VCP: variants seen among roughly 807,000 people sequenced by gnomAD.
The protein encoded by VCP is transitional endoplasmic reticulum ATPase.
VCP carries 6 observed loss-of-function variants against 85.7 expected under a neutral mutation model. The ratio of observed to expected loss-of-function variants is 0.07; its 90% CI spans 0.04 to 0.14. VCP has a LOEUF of 0.14. Ranked by LOEUF, VCP falls within the 10% of genes least tolerant of loss-of-function variation. The pLI is 1.00. For synonymous variants in VCP, 384 were observed against 367.1 expected (o/e 1.05, Z -0.53); for missense variants, 353 against 1,043.4 (o/e 0.34, Z 9.12).
At chr9:35,064,461 G>A (rs1828788891) in intron 5 of VCP, among the ~76,000 whole-genome samples, 176 bp from the exon 6 acceptor site, 1 of 152,166 alleles carries the variant, frequency 6.6e-6, no homozygotes, top group African/African-American at 2.4e-5. Flanking sequence ...AGAGGTGGGA[G>A]GAATGCTTGA....
rs201932327 is a variant in VCP, at chr9:35,059,032, T to C, written c.2160+32A>G. On this transcript the variant is annotated intron_variant, in intron 15 of 16. Coordinates refer to ENST00000358901, the MANE Select transcript of VCP (RefSeq NM_007126.5). This position sits in a 1 kb window ranked among gnomAD's most constrained non-coding sequence, Gnocchi z 4.9. ...GTGGCTGCTGCCTGGCTCTCCATGA[T>C]TGGCACATCTGGGGAAAGGATGCAG... is the stretch of plus-strand genomic sequence containing the variant. 4.0e-3 allele frequency: 6,515 copies of C among 1,613,004 alleles called. 26 individuals carry two copies. The highest frequency in any genetic ancestry group is 6.3e-3 in the South Asian group (571 of 91,002).
intron 7 of VCP, 147 bp from the exon 8 acceptor site, chr9:35,062,497 C>T: frequency 7.7e-7 from 1 of 1,304,876 alleles, no homozygotes. Flanking sequence ...CCTCTACCAG[C>T]CATTATCCCA....
Position 35,066,732 on chromosome 9 carries a change from G to C in VCP, c.388C>G (p.Leu130Val). The C allele has an allele frequency of 6.2e-7, 1 of 1,614,204 alleles. No homozygotes were observed. The highest frequency in any genetic ancestry group is 8.5e-7 in the Non-Finnish European group (1 of 1,180,046). ...DDTVEGITGN[L>V]FEVYLKPYFL... is the part of the protein sequence containing the mutation. ...TACGGCTTAAGGTATACCTCGAAGAGATTACCAGTAATGCCTTCCACTGTG... is the reference window on the plus strand; with the variant it reads ...TACGGCTTAAGGTATACCTCGAAGACATTACCAGTAATGCCTTCCACTGTG... Residue 130 changes from leucine to valine, a missense_variant, in exon 4 of 17, where the codon CTC becomes GTC. By Grantham distance (32) the Leu-to-Val change is conservative. Coordinates refer to ENST00000358901, the MANE Select transcript of VCP (RefSeq NM_007126.5).
chr9:35,061,824 A>G lies in VCP; in HGVS notation c.1082-135T>C. 1.4e-6 allele frequency: 2 copies of G among 1,425,442 alleles called. 1 individual carries two copies. Among genetic ancestry groups the G allele is most frequent in the South Asian group, 2.3e-5 (2 of 85,390 alleles). The allele number at this position is 1,425,442 out of a possible 1,614,324, so 88.3% of individuals were successfully genotyped here. A position where few individuals can be genotyped will look rare whatever the true frequency, so the allele number is the denominator to read the frequency against. ...CACTAAAAAAGTCTCAAGCTCTGGG[A>G]AACCTTTCAGTCTCAGGAAAACCAG... On this transcript the variant is annotated intron_variant, in intron 9 of 16. Transcript: ENST00000358901.
rs1012186117 is a variant in VCP at position 35,072,188 on chromosome 9, C to G, written c.17+149G>C. ...GCCCCAGCCGGGCCTGCCGGGTCCACGGCCCCTCACTCGCCCCCTAGCTTC... is the reference window on the plus strand; with the variant it reads ...GCCCCAGCCGGGCCTGCCGGGTCCAGGGCCCCTCACTCGCCCCCTAGCTTC... On this transcript the variant is annotated intron_variant, in intron 1 of 16. Transcript: ENST00000358901. 19 of 1,421,008 alleles carry G rather than the reference C, an allele frequency of 1.3e-5. 1 individual carries two copies. The Admixed American group carries it at 2.0e-4, about 15-fold the overall frequency. The allele number at this position is 1,421,008 out of a possible 1,614,324, so 88.0% of individuals were successfully genotyped here. A position where few individuals can be genotyped will look rare whatever the true frequency, so the allele number is the denominator to read the frequency against.
intron 1 of VCP, 105 bp downstream of exon 1, chr9:35,072,232 C>T (rs1241685468): frequency 6.8e-7 from 1 of 1,462,094 alleles, no homozygotes; most frequent in African/African-American, 1.5e-5. Context: ...CTTTCCTGGT[C>T]TCCACCTCTC....
intron 1 of VCP, 28 bp from the exon 2 acceptor site, chr9:35,068,390 T>C (rs1011833500): frequency 1.9e-6 from 3 of 1,588,830 alleles, no homozygotes; most frequent in Non-Finnish European, 1.7e-6. Flanking sequence ...AGTCAGTAGA[T>C]ACTCCTGCCC....
At chr9:35,064,975 C>A (rs1828799035) in intron 5 of VCP, among the ~76,000 whole-genome samples, 1 of 152,194 alleles carries the variant, frequency 6.6e-6, no homozygotes, top group Non-Finnish European at 1.5e-5. Flanking sequence ...TCAACCGATT[C>A]TCCTGCCTCA....
Position 35,059,104 on chromosome 9 carries a change from A to G in VCP, c.2120T>C (p.Ile707Thr), listed in dbSNP as rs768462341. 1.2e-6 allele frequency: 2 copies of G among 1,613,950 alleles called. No homozygotes were observed. Among genetic ancestry groups the G allele is most frequent in the Non-Finnish European group, 1.7e-6 (2 of 1,179,988 alleles). The change falls in exon 15 of 17, where the codon ATT (isoleucine) becomes ACT (threonine). Residue 707 changes from isoleucine to threonine, a missense_variant. Ile to Thr is a moderately conservative substitution (Grantham distance 89). Transcript: ENST00000358901. This position sits in a 1 kb window ranked among gnomAD's most constrained non-coding sequence, Gnocchi z 4.9. The stretch of plus-strand genomic sequence containing the variant: ...TGTCTGCCTCTCTCGTTCTCGCCTA[A>G]TCTCACTCTCGATGGATTCACGGAT... ...LAIRESIESE[I>T]RRERERQTNP...
At chr9:35,068,230 T>C (rs1229316590) in intron 2 of VCP, 21 bp downstream of exon 2, 5 of 1,611,620 alleles carry the variant, frequency 3.1e-6, no homozygotes, top group Non-Finnish European at 3.4e-6. Flanking sequence ...AAGGAAAGAC[T>C]AGTCTGTGGC....
intron 1 of VCP, among the ~76,000 whole-genome samples, chr9:35,070,584 C>A (rs1828920957): frequency 6.6e-6 from 1 of 152,124 alleles, no homozygotes; most frequent in Non-Finnish European, 1.5e-5. Flanking sequence ...CAGGTGTGCA[C>A]CATCACCATG....
At position 35,062,283 on chromosome 9, in the gene VCP, A is replaced by G. The variant is rs746060480; in HGVS notation, c.879T>C (p.Ala293=). The G allele has an allele frequency of 1.2e-6, 2 of 1,614,164 alleles. No homozygotes were observed. Among genetic ancestry groups the G allele is most frequent in the Non-Finnish European group, 1.7e-6 (2 of 1,180,026 alleles). The change falls in exon 8 of 17, where the codon GCT becomes GCC. Residue 293 remains alanine (A), a synonymous_variant. Transcript: ENST00000358901. ...AGATGATGGCAGGAGCATTCTTCTCAGCCTCCTCAAAGGCTTTACGAAGGT... is the reference window on the plus strand; with the variant it reads ...AGATGATGGCAGGAGCATTCTTCTCGGCCTCCTCAAAGGCTTTACGAAGGT... ...ESNLRKAFEE[A]EKNAPAIIFI...
intron 1 of VCP, chr9:35,071,944 G>A (rs1828957566): frequency 8.3e-5 from 87 of 1,048,742 alleles, no homozygotes; most frequent in Non-Finnish European, 9.8e-5. Context: ...GGGGACCAAA[G>A]GCTTTCGGCG....
chr9:35,059,301 A>G lies in VCP; in HGVS notation c.2005-82T>C. 6.3e-7 allele frequency: 1 copy of G among 1,592,446 alleles called. No individual in the cohort carries two copies. Among genetic ancestry groups the G allele is most frequent in the South Asian group, 1.1e-5 (1 of 88,820 alleles). Reference sequence around the variant, plus strand: ...ATCTTTGGGCTACCCGAGCACTCCCAACTACAGTTTGCCCCTTCTTTGGCC... The same window carrying G: ...ATCTTTGGGCTACCCGAGCACTCCCGACTACAGTTTGCCCCTTCTTTGGCC... On this transcript the variant is annotated intron_variant, in intron 14 of 16. Coordinates refer to ENST00000358901, the MANE Select transcript of VCP (RefSeq NM_007126.5). The surrounding 1 kb of genome is among the most constrained non-coding windows in gnomAD (Gnocchi z 4.9).
At position 35,057,358 on chromosome 9, in the gene VCP, T is replaced by C; in HGVS notation, c.2315+18A>G. The C allele has an allele frequency of 1.2e-6, 2 of 1,614,270 alleles. No individual in the cohort carries two copies. Among genetic ancestry groups the C allele is most frequent in the Non-Finnish European group, 1.7e-6 (2 of 1,180,046 alleles). ...CCAAAGTAACTTAAGCACTGTCTAATGCTCCCAACCAACTTACCTGAAGCT... is the reference window on the plus strand; with the variant it reads ...CCAAAGTAACTTAAGCACTGTCTAACGCTCCCAACCAACTTACCTGAAGCT... On this transcript the variant is annotated intron_variant, in intron 16 of 16. Transcript: ENST00000358901.
In VCP at chr9:35,072,364, T is replaced by G. The variant is rs1409592171; in HGVS notation, c.-11A>C. 2 of 1,477,142 alleles carry G rather than the reference T, an allele frequency of 1.4e-6. No homozygotes were observed. The highest frequency in any genetic ancestry group is 2.6e-5 in the South Asian group (2 of 77,706). The allele number at this position is 1,477,142 out of a possible 1,614,324, so 91.5% of individuals were successfully genotyped here. Reference sequence around the variant, plus strand: ...GGCTCCAGAAGCCATGGCGCGCGCCTCTCCCGGCCGGCGGCTGTGGCGGCC... The same window carrying G: ...GGCTCCAGAAGCCATGGCGCGCGCCGCTCCCGGCCGGCGGCTGTGGCGGCC... On this transcript the variant is annotated 5_prime_UTR_variant, in exon 1 of 17. Transcript: ENST00000358901.
At chr9:35,069,405 T>C (rs1229698526) in intron 1 of VCP, among the ~76,000 whole-genome samples, 1 of 151,168 alleles carries the variant, frequency 6.6e-6, no homozygotes, top group Non-Finnish European at 1.5e-5. Context: ...CTAGCCCGTT[T>C]CCAGCTGTCA....
rs1163672685 is a variant in VCP, at chr9:35,060,529, G to C, written c.1483-4C>G. Reference sequence around the variant, plus strand: ...TGTCTGGGTGCTCCACAGGATACTAGGAGGAAAAGGAAAGAGGGTTCAAGG... The same window carrying C: ...TGTCTGGGTGCTCCACAGGATACTACGAGGAAAAGGAAAGAGGGTTCAAGG... On this transcript the variant is annotated splice_region_variant and splice_polypyrimidine_tract_variant and intron_variant, in intron 12 of 16. Transcript: ENST00000358901. The C allele has an allele frequency of 1.9e-6, 3 of 1,613,684 alleles. No individual in the cohort carries two copies. The highest frequency in any genetic ancestry group is 2.5e-6 in the Non-Finnish European group (3 of 1,179,942).
Position 35,059,428 on chromosome 9 carries a change from A to T in VCP, c.2004+65T>A. On this transcript the variant is annotated intron_variant, in intron 14 of 16. Coordinates refer to ENST00000358901, the MANE Select transcript of VCP (RefSeq NM_007126.5). This position sits in a 1 kb window ranked among gnomAD's most constrained non-coding sequence, Gnocchi z 4.9. ...CCAGTGGAATCTTGTCCAGAAACTA[A>T]AGAGCACTCCGTACCAGCCTGAGGA... 6.3e-7 allele frequency: 1 copy of T among 1,595,984 alleles called. No individual in the cohort carries two copies. The highest frequency in any genetic ancestry group is 1.3e-5 in the African/African-American group (1 of 74,662).
Sources: gnomAD v4.1 joint callset for allele counts (sites outside exome capture counted in the v4.1 genomes callset) on GRCh38, gnomAD v4.1.1 for gene constraint, Gnocchi (gnomAD v3.1) non-coding constraint, MANE v1.5 for transcripts, NCBI Gene and HGNC (gene_info 2026-07-23, HGNC 2026-07-21) for gene names.